Variants in TPX2 observed in about 807,000 individuals in gnomAD.
TPX2 encodes TPX2 microtubule nucleation factor.
TPX2 carries 21 observed loss-of-function variants against 93.6 expected under a neutral mutation model. That is an observed-to-expected ratio of 0.22 (90% CI 0.16 to 0.32). TPX2 has a LOEUF of 0.32. Among genes scored for constraint, TPX2 ranks in the 10% least tolerant of loss-of-function variants. TPX2 has a pLI of 1.00. For synonymous variants in TPX2, 281 were observed against 298.3 expected, an observed-to-expected ratio of 0.94 and a Z score of 0.60; for missense variants, 776 against 871.1, an observed-to-expected ratio of 0.89 and a Z score of 1.37.
At chr20:31,788,529 G>C (rs1425202281) in intron 12 of TPX2, among the ~76,000 whole-genome samples, 1 of 150,456 alleles carries the variant, frequency 6.6e-6, no homozygotes, top group East Asian at 2.0e-4. Flanking sequence ...TGATGCTTTT[G>C]TTCCCCATCC....
intron 2 of TPX2, among the ~76,000 whole-genome samples, chr20:31,756,122 C>A (rs2061849989): frequency 2.0e-5 from 3 of 152,148 alleles, no homozygotes; most frequent in Admixed American, 1.3e-4. Context: ...TGAACTCTTA[C>A]TATGTATAAT....
chr20:31,792,540 AGTGGCTCACACCT>A (rs1327561493), intron 12 of TPX2, among the ~76,000 whole-genome samples, 182 bp from the exon 13 acceptor site: 1 of 152,132 alleles, frequency 6.6e-6, no homozygotes, highest in Non-Finnish European at 1.5e-5. Context: ...GGCCATGTGC[AGTGGCTCACACCT>A]GTAATCCCAG....
At chr20:31,767,140 G>T (rs2061932913) in intron 5 of TPX2, among the ~76,000 whole-genome samples, 1 of 151,846 alleles carries the variant, frequency 6.6e-6, no homozygotes, top group Non-Finnish European at 1.5e-5. Context: ...GGGTTTGTGT[G>T]GTTGGTATAA....
chr20:31,780,956 G>A lies in TPX2; in HGVS notation c.1055-1293G>A, dbSNP rs754575575. On this transcript the variant is annotated intron_variant, in intron 10 of 17. Coordinates refer to ENST00000300403, the MANE Select transcript of TPX2 (RefSeq NM_012112.5). ...CTTTTTAGAGACAGGGTCTTGCTCC[G>A]TCACCCAGGCTGGAGTGCAGTGGCG... 33 of 404,432 alleles carry A rather than the reference G, an allele frequency of 8.2e-5. 1 individual carries two copies. The highest frequency in any genetic ancestry group is 2.6e-4 in the African/African-American group (12 of 46,436). 25.1% of individuals were successfully genotyped at this position (404,432 alleles called of 1,614,324 possible).
chr20:31,762,914 A>G (rs2061898910), intron 4 of TPX2, among the ~76,000 whole-genome samples: 2 of 152,084 alleles, frequency 1.3e-5, no homozygotes, highest in South Asian at 4.2e-4. Flanking sequence ...AGCTAGCACC[A>G]TTTATTGAAA....
chr20:31,779,716 A>G (rs773710193), intron 10 of TPX2, among the ~76,000 whole-genome samples: 9 of 152,142 alleles, frequency 5.9e-5, no homozygotes, highest in Non-Finnish European at 1.5e-5. Flanking sequence ...TACGAGAGAG[A>G]GGAGATAACT....
chr20:31,749,897 T>C (rs2061808090), intron 2 of TPX2, among the ~76,000 whole-genome samples: 2 of 152,140 alleles, frequency 1.3e-5, no homozygotes, highest in African/African-American at 4.8e-5. Context: ...TTTAGTTCTA[T>C]ATAGAAATCT....
Position 31,760,063 on chromosome 20 carries a change from A to G in TPX2, c.113A>G (p.Lys38Arg). 1 of 1,613,624 alleles carries G rather than the reference A, an allele frequency of 6.2e-7. No homozygotes were observed. Residue 38 changes from lysine to arginine, a missense_variant, in exon 4 of 18, where the codon AAG (lysine) becomes AGG (arginine). Physicochemically the swap from Lys to Arg is conservative, Grantham distance 26. Coordinates refer to ENST00000300403, the MANE Select transcript of TPX2 (RefSeq NM_012112.5). ...TGATCTTCCCTTTTCACAGAGGAGA[A>G]GGCCAATTTGGAGAATAAGTTACTG... ...TQNIDSWFEE[K>R]ANLENKLLGK...
chr20:31,763,352 G>A (rs569930031), intron 4 of TPX2, among the ~76,000 whole-genome samples: 113 of 152,036 alleles, frequency 7.4e-4, no homozygotes, highest in African/African-American at 2.5e-3. Context: ...GATAATTTTT[G>A]TATTTTTAAT....
intron 15 of TPX2, 48 bp downstream of exon 15, chr20:31,794,596 A>T: frequency 6.2e-7 from 1 of 1,601,994 alleles, no homozygotes; most frequent in Non-Finnish European, 8.5e-7. Flanking sequence ...TGGTTGGTTG[A>T]TTGTACAGGC....
intron 11 of TPX2, among the ~76,000 whole-genome samples, chr20:31,782,765 C>T (rs1385327949): frequency 2.0e-5 from 3 of 151,996 alleles, no homozygotes; most frequent in Non-Finnish European, 4.4e-5. Context: ...TGGTGGCATG[C>T]GTCTGTAGTC....
At chr20:31,761,616 G>A (rs754263863) in intron 4 of TPX2, among the ~76,000 whole-genome samples, 2 of 151,922 alleles carry the variant, frequency 1.3e-5, no homozygotes, top group Admixed American at 6.6e-5. Flanking sequence ...GTATTCCATT[G>A]TATATATATA....
intron 10 of TPX2, among the ~76,000 whole-genome samples, chr20:31,781,857 C>T (rs920232931): frequency 2.6e-5 from 4 of 151,848 alleles, no homozygotes; most frequent in Admixed American, 6.6e-5. Context: ...GTGGGAAGAT[C>T]ACCTGAGTCC....
intron 2 of TPX2, among the ~76,000 whole-genome samples, chr20:31,753,153 G>A (rs1330443444): frequency 1.3e-5 from 2 of 152,072 alleles, no homozygotes; most frequent in East Asian, 3.9e-4. Flanking sequence ...GGATTTACTT[G>A]GAAATAAATA....
At chr20:31,788,046 T>TG (rs1181443880) in intron 12 of TPX2, among the ~76,000 whole-genome samples, 1 of 152,200 alleles carries the variant, frequency 6.6e-6, no homozygotes, top group East Asian at 1.9e-4. Context: ...TTACTGATTT[T>TG]GGGGGTCCCA....
chr20:31,767,768 G>T (rs1023239426), intron 5 of TPX2, among the ~76,000 whole-genome samples: 7 of 151,964 alleles, frequency 4.6e-5, no homozygotes, highest in Admixed American at 1.3e-4. Context: ...TGCCTAGGCT[G>T]GTCACAAACT....
At position 31,783,848 on chromosome 20, in the gene TPX2, A is replaced by G; in HGVS notation, c.1340A>G (p.Lys447Arg). The G allele has an allele frequency of 1.2e-6, 2 of 1,608,182 alleles. No individual in the cohort carries two copies. Among genetic ancestry groups the G allele is most frequent in the Non-Finnish European group, 1.7e-6 (2 of 1,178,768 alleles). Residue 447 changes from lysine to arginine, a missense_variant, in exon 12 of 18, where the codon AAG becomes AGG. Transcript: ENST00000300403. ...AAAAGAATCCAGGAGCGAGAATCAA[A>G]GAAGAAAACAGAGGATGAACACTTT... ...IEKRIQERES[K>R]KKTEDEHFEF...
At chr20:31,741,350 C>T (rs940510238) in intron 1 of TPX2, among the ~76,000 whole-genome samples, 1 of 147,226 alleles carries the variant, frequency 6.8e-6, no homozygotes, top group African/African-American at 2.5e-5. Context: ...CTCACTCTGT[C>T]GCCCAGGCTG....
chr20:31,758,272 A>G (rs1235336210), intron 3 of TPX2, among the ~76,000 whole-genome samples: 1 of 149,692 alleles, frequency 6.7e-6, no homozygotes, highest in Admixed American at 6.6e-5. Flanking sequence ...GGCGCCCACC[A>G]GCATGCCTAA....
Sources: gnomAD v4.1 joint callset for allele counts (sites outside exome capture counted in the v4.1 genomes callset) on GRCh38, gnomAD v4.1.1 for gene constraint, MANE v1.5 for transcripts, NCBI Gene and HGNC (gene_info 2026-07-23, HGNC 2026-07-21) for gene names.